MGAT4C: variants seen among roughly 807,000 people sequenced by gnomAD.
MGAT4C encodes the protein alpha-1,3-mannosyl-glycoprotein 4-beta-N-acetylglucosaminyltransferase C.
Under a neutral mutation model 40.1 loss-of-function variants are expected in MGAT4C, and 19 were observed. That is an observed-to-expected ratio of 0.47 (90% CI 0.33 to 0.70). The LOEUF is 0.70. MGAT4C is among the 30% of genes least tolerant of loss of function. The probability of loss-of-function intolerance (pLI) is 0.02; values close to 1 mark genes in which losing one functional copy is unlikely to be tolerated. For synonymous variants in MGAT4C, 181 were observed against 187.1 expected, an observed-to-expected ratio of 0.97 and a Z score of 0.27; for missense variants, 491 against 563.2, an observed-to-expected ratio of 0.87 and a Z score of 1.30.
chr12:86,428,332 ATTC>A (rs1956970959), intron 3 of MGAT4C, among the ~76,000 whole-genome samples: 1 of 152,194 alleles, frequency 6.6e-6, no homozygotes, highest in Non-Finnish European at 1.5e-5. Context: ...TCGTGTACTC[ATTC>A]TTAACCATGT....
At chr12:86,816,498 C>T (rs1220106085) in intron 1 of MGAT4C, among the ~76,000 whole-genome samples, 1 of 151,580 alleles carries the variant, frequency 6.6e-6, no homozygotes, top group African/African-American at 2.4e-5. Flanking sequence ...AACCTTCAAT[C>T]TTTCTCACAC....
At chr12:86,103,590 T>C (rs918089126) in intron 1 of MGAT4C, among the ~76,000 whole-genome samples, 1 of 152,144 alleles carries the variant, frequency 6.6e-6, no homozygotes, top group Non-Finnish European at 1.5e-5. Context: ...TTTGTACCAA[T>C]TTGTTATGGT....
At chr12:86,337,287 T>C (rs1954809810) in intron 3 of MGAT4C, among the ~76,000 whole-genome samples, 1 of 152,106 alleles carries the variant, frequency 6.6e-6, no homozygotes, top group Non-Finnish European at 1.5e-5. Flanking sequence ...TTTGAAATAA[T>C]ATTCTGATGT....
At chr12:86,741,328 C>A (rs1448441716) in intron 1 of MGAT4C, among the ~76,000 whole-genome samples, 1 of 151,080 alleles carries the variant, frequency 6.6e-6, no homozygotes, top group Non-Finnish European at 1.5e-5. Flanking sequence ...GTTTTATTTT[C>A]AGTTGTTCCA....
At chr12:86,618,367 T>C (rs1962526875) in intron 2 of MGAT4C, among the ~76,000 whole-genome samples, 1 of 152,160 alleles carries the variant, frequency 6.6e-6, no homozygotes, top group African/African-American at 2.4e-5. Context: ...ATCAGAAGGA[T>C]ACTTGCACCT....
At chr12:86,074,422 C>A (rs1869260084) in intron 1 of MGAT4C, among the ~76,000 whole-genome samples, 1 of 152,058 alleles carries the variant, frequency 6.6e-6, no homozygotes, top group African/African-American at 2.4e-5. Context: ...AATACAATCT[C>A]CATTACTGAA....
chr12:86,584,116 A>G (rs1055336131), intron 2 of MGAT4C, among the ~76,000 whole-genome samples: 4 of 150,952 alleles, frequency 2.6e-5, no homozygotes, highest in African/African-American at 9.7e-5. Flanking sequence ...CAGTGAGTTT[A>G]AAACTCACTG....
chr12:86,474,898 T>A (rs374516867), intron 2 of MGAT4C, among the ~76,000 whole-genome samples: 3 of 152,078 alleles, frequency 2.0e-5, no homozygotes, highest in Non-Finnish European at 2.9e-5. Flanking sequence ...TTCCAACCAG[T>A]CAATAATTGA....
At chr12:86,393,092 G>C (rs752928683) in intron 3 of MGAT4C, among the ~76,000 whole-genome samples, 1 of 151,872 alleles carries the variant, frequency 6.6e-6, no homozygotes. Flanking sequence ...TATCTTTCCA[G>C]GTTTTTGAAA....
At chr12:86,277,756 G>A (rs1349266768) in intron 4 of MGAT4C, among the ~76,000 whole-genome samples, 2 of 151,964 alleles carry the variant, frequency 1.3e-5, no homozygotes, top group Non-Finnish European at 2.9e-5. Flanking sequence ...TGGTCTATGT[G>A]TCTTTTTTTA....
intron 4 of MGAT4C, among the ~76,000 whole-genome samples, chr12:86,271,484 G>T (rs1478514305): frequency 6.6e-6 from 1 of 152,150 alleles, no homozygotes. Flanking sequence ...TCTTATACCT[G>T]TCAAAATGAT....
chr12:86,271,070 G>A (rs1480511300), intron 4 of MGAT4C, among the ~76,000 whole-genome samples: 3 of 152,030 alleles, frequency 2.0e-5, no homozygotes, highest in Non-Finnish European at 4.4e-5. Context: ...AATACTAAAA[G>A]AAAATCTAGG....
At chr12:86,781,388 T>C (rs1262646866) in intron 1 of MGAT4C, among the ~76,000 whole-genome samples, 1 of 152,116 alleles carries the variant, frequency 6.6e-6, no homozygotes, top group Admixed American at 6.6e-5. Flanking sequence ...TTGAGAGAAC[T>C]CAGCACTCTT....
At chr12:86,017,420 A>G (rs1889206612) in intron 2 of MGAT4C, among the ~76,000 whole-genome samples, 1 of 152,204 alleles carries the variant, frequency 6.6e-6, no homozygotes, top group Middle Eastern at 3.2e-3. Flanking sequence ...AACTTTGTCT[A>G]CTAAGAAGGA....
At chr12:86,599,521 A>T (rs1961681907) in intron 2 of MGAT4C, 1 of 152,212 alleles carries the variant, frequency 6.6e-6, no homozygotes, top group African/African-American at 2.4e-5. Flanking sequence ...GCAAAACAAT[A>T]GTGCTAAGTG....
intron 2 of MGAT4C, among the ~76,000 whole-genome samples, chr12:86,572,699 A>C (rs527856844): frequency 2.6e-5 from 4 of 152,212 alleles, no homozygotes; most frequent in African/African-American, 9.6e-5. Context: ...CCTCAATTAC[A>C]CATGATTAAA....
At chr12:86,823,840 A>G (rs906731183) in intron 1 of MGAT4C, among the ~76,000 whole-genome samples, 4 of 151,332 alleles carry the variant, frequency 2.6e-5, no homozygotes, top group African/African-American at 9.7e-5. Context: ...AGATAAGGAG[A>G]GCTAACATTT....
intron 2 of MGAT4C, among the ~76,000 whole-genome samples, chr12:86,627,551 C>T (rs2136498704): frequency 6.6e-6 from 1 of 152,286 alleles, no homozygotes; most frequent in South Asian, 2.1e-4. Flanking sequence ...ATTTGCTGTT[C>T]TGCAATATTT....
intron 2 of MGAT4C, among the ~76,000 whole-genome samples, chr12:86,725,530 G>A (rs1314861018): frequency 6.6e-6 from 1 of 151,946 alleles, no homozygotes; most frequent in African/African-American, 2.4e-5. Flanking sequence ...GGGCGATCTC[G>A]GCTCACTGCA....
Sources: gnomAD v4.1 joint callset for allele counts (sites outside exome capture counted in the v4.1 genomes callset) on GRCh38, gnomAD v4.1.1 for gene constraint, MANE v1.5 for transcripts, NCBI Gene and HGNC (gene_info 2026-07-23, HGNC 2026-07-21) for gene names.